Variants in LARGE1 observed in about 807,000 individuals in gnomAD.
LARGE1 encodes LARGE xylosyl- and glucuronyltransferase 1, also known as xylosyl- and glucuronyltransferase LARGE1.
Under a neutral mutation model 87.6 loss-of-function variants are expected in LARGE1, and 43 were observed. The observed-to-expected ratio is 0.49, with a 90% CI of 0.38 to 0.63. The LOEUF (loss-of-function observed/expected upper bound fraction) is 0.63, where lower values mean the gene tolerates loss of function less well. LARGE1 is among the 30% of genes least tolerant of loss of function. LARGE1 has a pLI of 0.00. For synonymous variants in LARGE1, 434 were observed against 394.6 expected (o/e 1.10, Z -1.18); for missense variants, 802 against 1,000.2 (o/e 0.80, Z 2.67).
chr22:33,877,770 A>G (rs2064513731), intron 1 of LARGE1, among the ~76,000 whole-genome samples: 1 of 151,768 alleles, frequency 6.6e-6, no homozygotes, highest in Admixed American at 6.6e-5. Context: ...AAAAATACAA[A>G]AATTAGCCGG....
At chr22:33,551,938 G>T (rs1010137194) in intron 6 of LARGE1, among the ~76,000 whole-genome samples, 1 of 144,794 alleles carries the variant, frequency 6.9e-6, no homozygotes, top group Non-Finnish European at 1.5e-5. Flanking sequence ...AGCATGCAGT[G>T]AGCCGAGATC....
At chr22:33,494,887 G>T (rs2070027417) in intron 6 of LARGE1, among the ~76,000 whole-genome samples, 1 of 152,172 alleles carries the variant, frequency 6.6e-6, no homozygotes, top group Non-Finnish European at 1.5e-5. Context: ...CTGGGAGAGG[G>T]CAGGCAACTC....
At chr22:33,675,219 G>T (rs534490414) in intron 2 of LARGE1, among the ~76,000 whole-genome samples, 1 of 147,674 alleles carries the variant, frequency 6.8e-6, no homozygotes, top group African/African-American at 2.5e-5. Context: ...GCTTGAACCC[G>T]GGAGGCAGAG....
At chr22:33,075,150 G>C in the LARGE1 span, among the ~76,000 whole-genome samples, 1 of 152,176 alleles carries the variant, frequency 6.6e-6, no homozygotes. Context: ...TCTTTACCAA[G>C]AGACAGTGAT....
At chr22:33,454,438 T>C (rs1288919482) in intron 6 of LARGE1, among the ~76,000 whole-genome samples, 1 of 151,308 alleles carries the variant, frequency 6.6e-6, no homozygotes, top group Non-Finnish European at 1.5e-5. Flanking sequence ...GCCAACATGG[T>C]GAAATCCCGT....
intron 7 of LARGE1, among the ~76,000 whole-genome samples, chr22:33,395,723 T>G (rs2065717458): frequency 6.6e-6 from 1 of 152,194 alleles, no homozygotes; most frequent in Non-Finnish European, 1.5e-5. Flanking sequence ...TGAATGAGGT[T>G]CAGAGGAAGT....
chr22:33,293,914 G>A (rs1169323802), intron 12 of LARGE1, among the ~76,000 whole-genome samples: 2 of 152,208 alleles, frequency 1.3e-5, no homozygotes, highest in African/African-American at 4.8e-5. Context: ...TCACTGTCAA[G>A]TCTAACAGAT....
intron 6 of LARGE1, among the ~76,000 whole-genome samples, chr22:33,504,506 C>T (rs1353462929): frequency 2.0e-5 from 3 of 152,184 alleles, no homozygotes; most frequent in South Asian, 2.1e-4. Flanking sequence ...GTGATCCACC[C>T]GCCTCGGCCT....
chr22:33,119,430 G>A, the LARGE1 span, among the ~76,000 whole-genome samples: 1 of 152,072 alleles, frequency 6.6e-6, no homozygotes, highest in Non-Finnish European at 1.5e-5. Flanking sequence ...CTATAAAGTG[G>A]CATCTGGGTG....
intron 6 of LARGE1, among the ~76,000 whole-genome samples, chr22:33,534,888 C>G (rs1245541609): frequency 6.6e-6 from 1 of 152,222 alleles, no homozygotes; most frequent in Non-Finnish European, 1.5e-5. Flanking sequence ...ACTGGCAGTG[C>G]TGAAATGCAG....
downstream of LARGE1, among the ~76,000 whole-genome samples, chr22:33,268,568 C>G (rs941750275): frequency 6.6e-6 from 1 of 151,654 alleles, no homozygotes; most frequent in Non-Finnish European, 1.5e-5. Context: ...GCTGGGACTA[C>G]TGGTGCCCGC....
At chr22:33,531,606 A>G (rs2072206467) in intron 6 of LARGE1, among the ~76,000 whole-genome samples, 1 of 152,226 alleles carries the variant, frequency 6.6e-6, no homozygotes, top group Non-Finnish European at 1.5e-5. Context: ...GGAAACATGA[A>G]TATGTTGCAC....
At chr22:33,319,649 C>T (rs1936523590) in intron 10 of LARGE1, among the ~76,000 whole-genome samples, 1 of 152,142 alleles carries the variant, frequency 6.6e-6, no homozygotes, top group Non-Finnish European at 1.5e-5. Context: ...ACCCACCGAA[C>T]CCTCCCAAAG....
chr22:33,612,695 G>C (rs761800039), intron 4 of LARGE1, among the ~76,000 whole-genome samples: 7 of 152,176 alleles, frequency 4.6e-5, no homozygotes, highest in Admixed American at 1.3e-4. Flanking sequence ...GAGAGACCAC[G>C]TCTACAGGAC....
chr22:33,552,129 C>T (rs1010449004), intron 6 of LARGE1, among the ~76,000 whole-genome samples: 1 of 151,864 alleles, frequency 6.6e-6, no homozygotes, highest in African/African-American at 2.4e-5. Flanking sequence ...ACGGACTGAG[C>T]ATTAAAGAGC....
chr22:33,442,069 T>C (rs115448713), intron 6 of LARGE1, among the ~76,000 whole-genome samples: 1,791 of 152,288 alleles, frequency 0.012, 37 homozygotes, highest in African/African-American at 0.04. Context: ...TGTGTCACTC[T>C]TGAAAGAAGA....
intron 5 of LARGE1, among the ~76,000 whole-genome samples, chr22:33,570,643 T>C (rs2078168658): frequency 2.4e-5 from 1 of 42,250 alleles, no homozygotes; most frequent in Non-Finnish European, 4.3e-5. Flanking sequence ...CGAGACTCCA[T>C]TTCAAAAAAA....
At chr22:33,476,713 C>T (rs80155084) in intron 6 of LARGE1, among the ~76,000 whole-genome samples, 5,878 of 138,220 alleles carry the variant, frequency 0.043, 183 homozygotes, top group Middle Eastern at 0.11. Flanking sequence ...CCCCCCAGCC[C>T]AAAGAATACT....
chr22:33,490,036 C>G (rs1241295542), intron 6 of LARGE1, among the ~76,000 whole-genome samples: 2 of 152,230 alleles, frequency 1.3e-5, no homozygotes, highest in African/African-American at 2.4e-5. Context: ...CTTTCTCCTC[C>G]TTTTCCAACT....
Sources: allele counts gnomAD v4.1 joint callset (sites outside exome capture counted in the v4.1 genomes callset), GRCh38; gene constraint gnomAD v4.1.1; transcripts MANE v1.5; gene names NCBI Gene and HGNC (gene_info 2026-07-23, HGNC 2026-07-21).